The following ADGRG6 variants were observed in gnomAD, a reference collection of about 807,000 sequenced individuals.
ADGRG6 encodes G-protein coupled receptor 126.
A neutral mutation model predicts 142.4 loss-of-function variants in ADGRG6; 84 were observed. The ratio of observed to expected loss-of-function variants is 0.59; its 90% confidence interval spans 0.49 to 0.71. The LOEUF (loss-of-function observed/expected upper bound fraction) is 0.71, where lower values mean the gene tolerates loss of function less well. Ranked by LOEUF, ADGRG6 falls within the 30% of genes least tolerant of loss-of-function variation. The pLI is 0.00. For missense variants in ADGRG6, 1,367 were observed against 1,466.6 expected, an observed-to-expected ratio of 0.93 and a Z score of 1.11; for synonymous variants, 521 against 520.5, an observed-to-expected ratio of 1.00 and a Z score of -0.01.
intron 4 of ADGRG6, among the ~76,000 whole-genome samples, chr6:142,376,617 C>T (rs1376296536): frequency 6.6e-6 from 1 of 152,070 alleles, no homozygotes; most frequent in African/African-American, 2.4e-5. Flanking sequence ...CTCCCTTGCA[C>T]TTCTAACAAA....
chr6:142,435,275 C>G (rs1234219950), intron 22 of ADGRG6, among the ~76,000 whole-genome samples: 1 of 152,112 alleles, frequency 6.6e-6, no homozygotes, highest in Non-Finnish European at 1.5e-5. Context: ...TAAATTGTCA[C>G]TGAATCAATT....
chr6:142,357,801 C>T (rs998119415), intron 2 of ADGRG6, among the ~76,000 whole-genome samples: 8 of 152,122 alleles, frequency 5.3e-5, no homozygotes, highest in Non-Finnish European at 1.2e-4. Context: ...AAGCAATAAC[C>T]CTCTGGTGAC....
intron 24 of ADGRG6, among the ~76,000 whole-genome samples, chr6:142,442,672 A>C (rs1777814167): frequency 6.6e-6 from 1 of 152,120 alleles, no homozygotes; most frequent in Non-Finnish European, 1.5e-5. Flanking sequence ...CAATTAAAAA[A>C]ATAATTCACA....
intron 22 of ADGRG6, among the ~76,000 whole-genome samples, chr6:142,428,709 C>T (rs1012146017): frequency 2.0e-5 from 3 of 152,130 alleles, no homozygotes; most frequent in African/African-American, 7.2e-5. Flanking sequence ...TGAGAACTCA[C>T]TCACTATCAC....
At chr6:142,432,201 G>A (rs1329705) in intron 22 of ADGRG6, among the ~76,000 whole-genome samples, 29,761 of 151,974 alleles carry the variant, frequency 0.2, 2,938 homozygotes, top group South Asian at 0.23. Flanking sequence ...TTTCCATATT[G>A]CTTGTGTGCA....
Position 142,404,032 on chromosome 6 carries a change from T to C in ADGRG6, c.2127+59T>C, listed in dbSNP as rs1486543635. ...ATTAGTTAGACATATAAAAACTTGC[T>C]GATCACTTAGCAGTTGCTGCTTCCA... On this transcript the variant is annotated intron_variant, in intron 14 of 24. Coordinates refer to ENST00000367609, the MANE Select transcript of ADGRG6 (RefSeq NM_198569.3). The C allele has an allele frequency of 5.4e-6, 7 of 1,296,292 alleles. No homozygotes were observed. In the East Asian group the frequency reaches 1.2e-4, roughly 21 times the overall value. 80.3% of individuals were successfully genotyped at this position (1,296,292 alleles called of 1,614,324 possible). A position where few individuals can be genotyped will look rare whatever the true frequency, so the allele number is the denominator to read the frequency against.
rs1778334962 is a variant in ADGRG6 at position 142,318,343 on chromosome 6, ATATT to A, written c.103+8703_103+8706del. Among the ~76,000 whole-genome samples, 3 of 93,736 alleles carry A rather than the reference ATATT, an allele frequency of 3.2e-5. No individual in the cohort carries two copies. The South Asian group carries it at 7.7e-4, about 24-fold the overall frequency. 61.5% of individuals were successfully genotyped at this position (93,736 alleles called of 152,430 possible). ...TATATATTATATATATTTATATTATATATTTATATATTATATAATATTTATATAT... is the reference window on the plus strand; with the variant it reads ...TATATATTATATATATTTATATTATATATATATTATATAATATTTATATAT... On this transcript the variant is annotated intron_variant, in intron 2 of 24. Coordinates refer to ENST00000367609, the MANE Select transcript of ADGRG6 (RefSeq NM_198569.3).
intron 11 of ADGRG6, among the ~76,000 whole-genome samples, chr6:142,401,630 A>G (rs1003967804): frequency 3.9e-5 from 6 of 152,198 alleles, no homozygotes; most frequent in African/African-American, 1.4e-4. Flanking sequence ...TATCATTTAT[A>G]GGAAAACAGG....
intron 10 of ADGRG6, among the ~76,000 whole-genome samples, chr6:142,399,784 T>C (rs1280413726): frequency 2.6e-5 from 4 of 152,222 alleles, no homozygotes; most frequent in African/African-American, 7.2e-5. Context: ...AAAACTGATA[T>C]AACTCACTAA....
chr6:142,305,051 A>T (rs1777415910), intron 1 of ADGRG6, among the ~76,000 whole-genome samples: 1 of 152,238 alleles, frequency 6.6e-6, no homozygotes, highest in Non-Finnish European at 1.5e-5. Context: ...TAAGTCGTTA[A>T]GAAATCACAA....
chr6:142,351,726 A>G (rs1399662167), intron 2 of ADGRG6, among the ~76,000 whole-genome samples: 2 of 152,212 alleles, frequency 1.3e-5, no homozygotes, highest in African/African-American at 4.8e-5. Flanking sequence ...AAGCTTCTGC[A>G]CAGCAAATGA....
intron 23 of ADGRG6, among the ~76,000 whole-genome samples, chr6:142,437,854 C>T (rs1393751570): frequency 6.7e-5 from 10 of 149,504 alleles, no homozygotes; most frequent in South Asian, 6.3e-4. Flanking sequence ...TTTCTAGATC[C>T]GCAATTACAT....
chr6:142,321,727 G>A (rs1778528195), intron 2 of ADGRG6, among the ~76,000 whole-genome samples: 1 of 152,050 alleles, frequency 6.6e-6, no homozygotes, highest in Non-Finnish European at 1.5e-5. Flanking sequence ...GATTCTCTGT[G>A]TTGATGGAAA....
chr6:142,367,687 C>A lies in ADGRG6; in HGVS notation c.222C>A (p.Pro74=). 1 of 1,613,834 alleles carries A rather than the reference C, an allele frequency of 6.2e-7. No individual in the cohort carries two copies. Among genetic ancestry groups the A allele is most frequent in the Non-Finnish European group, 8.5e-7 (1 of 1,179,820 alleles). ...CTTGCATGTGGACGCTCCGAGCCCC[C>A]ACCGGTTATATCATTCAGATAACAT... ...SQACMWTLRA[P]TGYIIQITFN... is the part of the protein sequence containing the mutation. The change falls in exon 3 of 25, where the codon CCC becomes CCA. Residue 74 remains proline (P), a synonymous_variant. Transcript: ENST00000367609.
At chr6:142,379,815 A>G (rs981248763) in intron 4 of ADGRG6, among the ~76,000 whole-genome samples, 9 of 152,166 alleles carry the variant, frequency 5.9e-5, no homozygotes, top group African/African-American at 1.9e-4. Flanking sequence ...TGAACCCAAA[A>G]TATCTGAGAC....
chr6:142,440,370 T>TA (rs201926505), intron 24 of ADGRG6, among the ~76,000 whole-genome samples: 2,379 of 152,184 alleles, frequency 0.016, 56 homozygotes, highest in African/African-American at 0.048. Flanking sequence ...GGTAGAGGCT[T>TA]ACTGCAGCCT....
At chr6:142,362,681 C>T (rs1312414324) in intron 2 of ADGRG6, among the ~76,000 whole-genome samples, 2 of 152,098 alleles carry the variant, frequency 1.3e-5, no homozygotes, top group African/African-American at 2.4e-5. Flanking sequence ...TTGATGAAGT[C>T]GTCCATTTCT....
chr6:142,408,127 C>T (rs376442611), intron 15 of ADGRG6, 23 bp from the exon 16 acceptor site: 31 of 1,525,332 alleles, frequency 2.0e-5, no homozygotes, highest in East Asian at 1.2e-4. Context: ...GACTGATACA[C>T]GCGATTTTTT....
intron 22 of ADGRG6, among the ~76,000 whole-genome samples, chr6:142,422,170 T>C (rs1030522655): frequency 1.3e-5 from 2 of 152,156 alleles, no homozygotes; most frequent in Admixed American, 6.6e-5. Context: ...TTTCTCTTTT[T>C]TTTTTTATTA....
Sources: allele counts gnomAD v4.1 joint callset (sites outside exome capture counted in the v4.1 genomes callset), GRCh38; gene constraint gnomAD v4.1.1; transcripts MANE v1.5; gene names NCBI Gene and HGNC (gene_info 2026-07-23, HGNC 2026-07-21).